Variants in SBSPON observed in about 807,000 individuals in gnomAD.
SBSPON encodes the protein somatomedin B and thrombospondin type 1 domain containing.
A neutral mutation model predicts 35.8 loss-of-function variants in SBSPON; 30 were observed. The observed-to-expected ratio is 0.84, with a 90% CI of 0.63 to 1.14. The LOEUF (loss-of-function observed/expected upper bound fraction) is 1.14. SBSPON is among the 50% of genes most tolerant of loss of function. SBSPON has a pLI of 0.00. For synonymous variants in SBSPON, 136 were observed against 135.9 expected, an observed-to-expected ratio of 1.00 and a Z score of 0.00; for missense variants, 364 against 357.7, an observed-to-expected ratio of 1.02 and a Z score of -0.14.
intron 1 of SBSPON, among the ~76,000 whole-genome samples, chr8:73,092,423 C>G (rs931254093): frequency 6.6e-6 from 1 of 152,228 alleles, no homozygotes; most frequent in Non-Finnish European, 1.5e-5. Context: ...CTCATCACCC[C>G]TCACCAGCCC....
At chr8:73,070,347 A>G (rs893768343) in intron 3 of SBSPON, among the ~76,000 whole-genome samples, 6 of 152,188 alleles carry the variant, frequency 3.9e-5, no homozygotes, top group African/African-American at 1.4e-4. Flanking sequence ...ATCTAAAGGA[A>G]TTCTATAAAT....
chr8:73,068,257 T>G (rs1374358206), intron 4 of SBSPON, among the ~76,000 whole-genome samples: 1 of 152,184 alleles, frequency 6.6e-6, no homozygotes, highest in African/African-American at 2.4e-5. Flanking sequence ...TTCAGAAAAA[T>G]ATTATGTAAA....
At chr8:73,068,886 A>T (rs533352762) in intron 4 of SBSPON, among the ~76,000 whole-genome samples, 4 of 152,372 alleles carry the variant, frequency 2.6e-5, no homozygotes, top group Admixed American at 1.3e-4. Context: ...CAAAACAATA[A>T]TGATATTTTG....
intron 1 of SBSPON, 127 bp downstream of exon 1, chr8:73,092,727 A>C: frequency 1.5e-6 from 1 of 669,534 alleles, no homozygotes; most frequent in Non-Finnish European, 2.6e-6. Context: ...GGTGGTGGGG[A>C]TGGGTGGGGA....
chr8:73,085,444 T>C (rs1368725610), intron 1 of SBSPON: 3 of 146,938 alleles, frequency 2.0e-5, no homozygotes, highest in Non-Finnish European at 3.0e-5. Flanking sequence ...AAAAAAAAAA[T>C]CCATGCTTAC....
intron 1 of SBSPON, among the ~76,000 whole-genome samples, chr8:73,084,881 T>C (rs1233088816): frequency 6.6e-6 from 1 of 152,140 alleles, no homozygotes; most frequent in African/African-American, 2.4e-5. Flanking sequence ...TTGTGTTTAT[T>C]ATTGATGCCC....
At chr8:73,070,129 C>T in intron 3 of SBSPON, 148 bp from the exon 4 acceptor site, 1 of 533,536 alleles carries the variant, frequency 1.9e-6, no homozygotes, top group Non-Finnish European at 3.3e-6. Context: ...TGTCAATCAC[C>T]TTTAAGGTTT....
At chr8:73,071,638 T>C (rs1239571819) in intron 3 of SBSPON, 142 bp downstream of exon 3, 2 of 597,108 alleles carry the variant, frequency 3.3e-6, no homozygotes, top group Non-Finnish European at 5.9e-6. Flanking sequence ...TTTTCCCAAC[T>C]CTGATGAAGA....
intron 1 of SBSPON, among the ~76,000 whole-genome samples, chr8:73,091,073 C>T (rs1263129235): frequency 6.6e-6 from 1 of 152,224 alleles, no homozygotes; most frequent in African/African-American, 2.4e-5. Flanking sequence ...TGAATCTCTC[C>T]AGATCTGGCT....
chr8:73,087,417 T>A (rs1810853175), intron 1 of SBSPON, among the ~76,000 whole-genome samples: 1 of 152,152 alleles, frequency 6.6e-6, no homozygotes, highest in African/African-American at 2.4e-5. Flanking sequence ...ATGGAGGAAA[T>A]GTGAAGTGTT....
intron 1 of SBSPON, among the ~76,000 whole-genome samples, chr8:73,090,217 A>C (rs1810905222): frequency 6.6e-6 from 1 of 152,248 alleles, no homozygotes; most frequent in African/African-American, 2.4e-5. Flanking sequence ...AGGCCCCACG[A>C]GGGTGACTTC....
Position 73,067,171 on chromosome 8 carries a change from G to A in SBSPON, c.*170C>T, listed in dbSNP as rs1020574989. Reference sequence around the variant, plus strand: ...TCAACTTAGTTAAAATAAAAATAAAGGACCTGTGTTCCTTGAGAACTGGCC... The same window carrying A: ...TCAACTTAGTTAAAATAAAAATAAAAGACCTGTGTTCCTTGAGAACTGGCC... On this transcript the variant is annotated 3_prime_UTR_variant, in exon 5 of 5. Coordinates refer to ENST00000297354, the MANE Select transcript of SBSPON (RefSeq NM_153225.4). 6.0e-6 allele frequency: 3 copies of A among 497,246 alleles called. No individual in the cohort carries two copies. Among genetic ancestry groups the A allele is most frequent in the African/African-American group, 5.8e-5 (3 of 52,076 alleles). The allele number at this position is 497,246 out of a possible 1,614,324, so 30.8% of individuals were successfully genotyped here. A position where few individuals can be genotyped will look rare whatever the true frequency, so the allele number is the denominator to read the frequency against.
chr8:73,074,834 G>A (rs1810561768), intron 2 of SBSPON, among the ~76,000 whole-genome samples: 1 of 152,220 alleles, frequency 6.6e-6, no homozygotes, highest in South Asian at 2.1e-4. Context: ...ATGGCCCCTG[G>A]TATGTGTATA....
intron 3 of SBSPON, 24 bp from the exon 4 acceptor site, chr8:73,070,005 A>G (rs1241933346): frequency 4.7e-6 from 7 of 1,480,830 alleles, no homozygotes; most frequent in African/African-American, 1.4e-5. Context: ...AGTAACAATG[A>G]CACTTGCTGT....
chr8:73,082,319 A>AT (rs1010691409), intron 1 of SBSPON, among the ~76,000 whole-genome samples: 3 of 152,082 alleles, frequency 2.0e-5, no homozygotes, highest in African/African-American at 4.8e-5. Context: ...GATGCCAAAC[A>AT]TTTTTTTCCC....
rs11997066 is a variant in SBSPON, at chr8:73,087,742, C to T, written c.214+5112G>A. ...CCATAAATCTAGGAGAAGACACCAG[C>T]CCATATAGGCTATTCAATGTTTGTC... On this transcript the variant is annotated intron_variant, in intron 1 of 4. Transcript: ENST00000297354. Among the ~76,000 whole-genome samples, 512 of 152,308 alleles carry T rather than the reference C, an allele frequency of 3.4e-3. 5 individuals carry two copies. The highest frequency in any genetic ancestry group is 0.011 in the African/African-American group (478 of 41,568).
At chr8:73,084,798 A>ACT (rs1381878115) in intron 1 of SBSPON, among the ~76,000 whole-genome samples, 1 of 141,814 alleles carries the variant, frequency 7.1e-6, no homozygotes, top group Admixed American at 7.1e-5. Flanking sequence ...ACACACACAC[A>ACT]CTTATTTCCT....
chr8:73,090,229 C>A (rs1810905534), intron 1 of SBSPON, among the ~76,000 whole-genome samples: 1 of 152,184 alleles, frequency 6.6e-6, no homozygotes, highest in South Asian at 2.1e-4. Flanking sequence ...GGTGACTTCT[C>A]CAAAGTCACA....
At position 73,070,070 on chromosome 8, in the gene SBSPON, G is replaced by A. The variant is rs552128622; in HGVS notation, c.501-89C>T. 3.9e-6 allele frequency: 3 copies of A among 765,734 alleles called. No individual in the cohort carries two copies. In the African/African-American group the frequency reaches 5.4e-5, roughly 14 times the overall value. 47.4% of individuals were successfully genotyped at this position (765,734 alleles called of 1,614,324 possible). A position where few individuals can be genotyped will look rare whatever the true frequency, so the allele number is the denominator to read the frequency against. ...TCTTAGAAAGCCTGTCACCTCCAAG[G>A]GCATTTGGCCGACTGGAGCAGGTAG... On this transcript the variant is annotated intron_variant, in intron 3 of 4. Coordinates refer to ENST00000297354, the MANE Select transcript of SBSPON (RefSeq NM_153225.4).
Sources: allele counts gnomAD v4.1 joint callset (sites outside exome capture counted in the v4.1 genomes callset), GRCh38; gene constraint gnomAD v4.1.1; transcripts MANE v1.5; gene names NCBI Gene and HGNC (gene_info 2026-07-23, HGNC 2026-07-21).